NBEA: variants seen among roughly 807,000 people sequenced by gnomAD.
The protein encoded by NBEA is lysosomal-trafficking regulator 2.
A neutral mutation model predicts 343.4 loss-of-function variants in NBEA; 44 were observed. The ratio of observed to expected loss-of-function variants is 0.13; its 90% CI spans 0.10 to 0.16. The LOEUF (loss-of-function observed/expected upper bound fraction) is 0.16, where lower values mean the gene tolerates loss of function less well. NBEA is among the 10% of genes least tolerant of loss of function. The pLI is 1.00. For missense variants in NBEA, 2,555 were observed against 3,631.3 expected, an observed-to-expected ratio of 0.70 and a Z score of 7.62; for synonymous variants, 1,175 against 1,238.7, an observed-to-expected ratio of 0.95 and a Z score of 1.08.
At chr13:35,134,146 A>G (rs1248181500) in intron 17 of NBEA, among the ~76,000 whole-genome samples, 2 of 152,048 alleles carry the variant, frequency 1.3e-5, no homozygotes, top group African/African-American at 4.8e-5. Context: ...TCAAATAGCG[A>G]TGTCAAAAAT....
chr13:35,270,483 G>A (rs9600425), intron 34 of NBEA, among the ~76,000 whole-genome samples: 4,609 of 152,330 alleles, frequency 0.03, 86 homozygotes, highest in Non-Finnish European at 0.045. Flanking sequence ...TGGTTGGACA[G>A]TGGGTGCAGC....
intron 41 of NBEA, among the ~76,000 whole-genome samples, chr13:35,513,690 A>G (rs1216971145): frequency 1.3e-5 from 2 of 152,174 alleles, no homozygotes; most frequent in Non-Finnish European, 2.9e-5. Context: ...TATATAAATT[A>G]TAACACATTC....
chr13:35,418,622 A>T (rs190511928), intron 38 of NBEA, among the ~76,000 whole-genome samples: 6 of 152,176 alleles, frequency 3.9e-5, no homozygotes, highest in Admixed American at 3.9e-4. Context: ...ATAGACAAGA[A>T]GGAGTTTGAA....
chr13:34,956,580 A>G (rs1566088697), intron 1 of NBEA, among the ~76,000 whole-genome samples: 1 of 152,172 alleles, frequency 6.6e-6, no homozygotes, highest in Non-Finnish European at 1.5e-5. Context: ...ATGTTTTGAT[A>G]CATGTATACA....
At chr13:35,060,575 T>G (rs953903278) in intron 8 of NBEA, among the ~76,000 whole-genome samples, 80 of 151,776 alleles carry the variant, frequency 5.3e-4, no homozygotes, top group Non-Finnish European at 2.8e-4. Context: ...GTTTTGAAAG[T>G]TCTCAGCTCA....
chr13:35,523,685 C>G (rs1216661963), intron 41 of NBEA, among the ~76,000 whole-genome samples: 1 of 152,164 alleles, frequency 6.6e-6, no homozygotes. Context: ...CATTCACTTT[C>G]AATTTTAGGA....
intron 18 of NBEA, among the ~76,000 whole-genome samples, chr13:35,148,500 TTA>T (rs1335719537): frequency 6.6e-6 from 1 of 152,162 alleles, no homozygotes; most frequent in Non-Finnish European, 1.5e-5. Context: ...ACAAGCTGTA[TTA>T]TAGTCTTCTG....
Position 35,179,872 on chromosome 13 carries a change from TTC to T in NBEA, c.4663-2482_4663-2481del, listed in dbSNP as rs1379521049. On this transcript the variant is annotated intron_variant, in intron 28 of 58. Coordinates refer to ENST00000379939, the MANE Select transcript of NBEA (RefSeq NM_001385012.1). ...CTGCTTAGGCATTTGATTTCTTCAC[TTC>T]TCTCTGTGTTTATTGTATCATCATT... The T allele has an allele frequency of 7.8e-6, 6 of 772,396 alleles. No individual in the cohort carries two copies. In the East Asian group the frequency reaches 7.7e-4, roughly 99 times the overall value. The allele number at this position is 772,396 out of a possible 1,614,324, so 47.8% of individuals were successfully genotyped here. A position where few individuals can be genotyped will look rare whatever the true frequency, so the allele number is the denominator to read the frequency against.
chr13:35,309,485 A>G, intron 35 of NBEA, 43 bp from the exon 36 acceptor site: 1 of 1,124,830 alleles, frequency 8.9e-7, no homozygotes, highest in Non-Finnish European at 1.3e-6. Flanking sequence ...TACTTTCATT[A>G]AGTGTTCACT....
intron 41 of NBEA, among the ~76,000 whole-genome samples, chr13:35,511,420 G>C (rs1377258966): frequency 6.6e-6 from 1 of 152,110 alleles, no homozygotes; most frequent in Non-Finnish European, 1.5e-5. Flanking sequence ...GTACTTTAAA[G>C]TTGACTTAAA....
chr13:34,992,198 A>ATGTG (rs58578283), intron 1 of NBEA, among the ~76,000 whole-genome samples: 5 of 138,786 alleles, frequency 3.6e-5, no homozygotes, highest in South Asian at 2.3e-4. Context: ...GTGTATATAT[A>ATGTG]TGTGTGTGTG....
chr13:35,258,955 G>T (rs978129577), intron 34 of NBEA, among the ~76,000 whole-genome samples: 1 of 152,158 alleles, frequency 6.6e-6, no homozygotes, highest in East Asian at 1.9e-4. Flanking sequence ...CATGTTTGAG[G>T]TAGGCTAGGC....
intron 11 of NBEA, among the ~76,000 whole-genome samples, chr13:35,106,298 A>G (rs184707255): frequency 6.6e-6 from 1 of 152,172 alleles, no homozygotes; most frequent in African/African-American, 2.4e-5. Context: ...ATACCAAAAT[A>G]TAAAAATATT....
At chr13:35,053,544 T>C (rs184903449) in intron 6 of NBEA, among the ~76,000 whole-genome samples, 1 of 152,292 alleles carries the variant, frequency 6.6e-6, no homozygotes, top group African/African-American at 2.4e-5. Context: ...TTAGATACTC[T>C]CTATTCTCAT....
intron 41 of NBEA, among the ~76,000 whole-genome samples, chr13:35,545,589 A>T (rs2079026521): frequency 6.6e-6 from 1 of 152,220 alleles, no homozygotes; most frequent in South Asian, 2.1e-4. Flanking sequence ...TGCTTACCAG[A>T]AATAAAATTG....
intron 33 of NBEA, among the ~76,000 whole-genome samples, chr13:35,220,889 A>G (rs188620259): frequency 8.2e-4 from 125 of 152,180 alleles, no homozygotes; most frequent in Admixed American, 5.4e-3. Context: ...TTACCTATCT[A>G]TATCCTTTCC....
chr13:35,112,916 C>T (rs930730712), intron 13 of NBEA, among the ~76,000 whole-genome samples: 6 of 152,206 alleles, frequency 3.9e-5, no homozygotes, highest in Non-Finnish European at 8.8e-5. Context: ...CCATTAATAT[C>T]AGGAAGTTAG....
intron 41 of NBEA, among the ~76,000 whole-genome samples, chr13:35,533,707 C>T (rs1459624633): frequency 6.6e-6 from 1 of 152,118 alleles, no homozygotes; most frequent in Non-Finnish European, 1.5e-5. Flanking sequence ...GGGCTGCATC[C>T]TTTATAAATT....
At chr13:35,664,639 C>T (rs1267057114) in intron 55 of NBEA, among the ~76,000 whole-genome samples, 1 of 152,194 alleles carries the variant, frequency 6.6e-6, no homozygotes, top group African/African-American at 2.4e-5. Flanking sequence ...AATTCCAACC[C>T]TTAGCTGTAT....
Sources: allele counts gnomAD v4.1 joint callset (sites outside exome capture counted in the v4.1 genomes callset), GRCh38; gene constraint gnomAD v4.1.1; transcripts MANE v1.5; gene names NCBI Gene and HGNC (gene_info 2026-07-23, HGNC 2026-07-21).